Variants in GMPS observed in about 807,000 individuals in gnomAD.
GMPS encodes the protein guanosine monophosphate synthase.
A neutral mutation model predicts 77.9 loss-of-function variants in GMPS; 15 were observed. The observed-to-expected ratio is 0.19, with a 90% CI of 0.13 to 0.30. GMPS has a LOEUF of 0.30. GMPS is among the 10% of genes least tolerant of loss of function. GMPS has a pLI of 1.00. For synonymous variants in GMPS, 224 were observed against 275.9 expected (o/e 0.81, Z 1.86); for missense variants, 590 against 838.8 (o/e 0.70, Z 3.66).
Position 155,938,027 on chromosome 3 carries a change from T to C in GMPS, c.*335T>C, listed in dbSNP as rs568282406. The stretch of plus-strand genomic sequence containing the variant: ...GGTGAATTTGGGGGTAATTATGGGC[T>C]TCTGTCTCCTTACCAGTTTCTAAGA... On this transcript the variant is annotated 3_prime_UTR_variant, in exon 16 of 16. Transcript: ENST00000496455. 1.2e-4 allele frequency: 32 copies of C among 256,460 alleles called. No homozygotes were observed. The highest frequency in any genetic ancestry group is 2.3e-4 in the Non-Finnish European group (31 of 133,454). 15.9% of individuals were successfully genotyped at this position (256,460 alleles called of 1,614,324 possible). A position where few individuals can be genotyped will look rare whatever the true frequency, so the allele number is the denominator to read the frequency against.
At position 155,942,717 on chromosome 3, in the gene GMPS, T is replaced by A. The variant is rs1755921821; in HGVS notation, c.*5025T>A. 4.4e-6 allele frequency: 1 copy of A among 227,572 alleles called. No individual in the cohort carries two copies. The highest frequency in any genetic ancestry group is 1.8e-4 in the South Asian group (1 of 5,486). 14.1% of individuals were successfully genotyped at this position (227,572 alleles called of 1,614,324 possible). On this transcript the variant is annotated 3_prime_UTR_variant, in exon 16 of 16. Coordinates refer to ENST00000496455, the MANE Select transcript of GMPS (RefSeq NM_003875.3). ...TTCTTTCAACCTCTTTCTTCTTACT[T>A]CTTTACTTTTCCTTCAGAGAGGAGA... is the stretch of plus-strand genomic sequence containing the variant.
Position 155,934,943 on chromosome 3 carries a change from T to C in GMPS, c.1704T>C (p.Val568=). The change falls in exon 14 of 16, where the codon GTT becomes GTC. Residue 568 remains valine (V), a synonymous_variant. Coordinates refer to ENST00000496455, the MANE Select transcript of GMPS (RefSeq NM_003875.3). ...TTGTTTATATATTTGGCCCACCAGTTAAAGAACCTCCTACAGATGTTACTC... is the reference window on the plus strand; with the variant it reads ...TTGTTTATATATTTGGCCCACCAGTCAAAGAACCTCCTACAGATGTTACTC... ...NRVVYIFGPP[V]KEPPTDVTPT... 1 of 1,589,368 alleles carries C rather than the reference T, an allele frequency of 6.3e-7. No individual in the cohort carries two copies.
At chr3:155,903,081 T>A (rs1754768777) in intron 3 of GMPS, among the ~76,000 whole-genome samples, 1 of 152,194 alleles carries the variant, frequency 6.6e-6, no homozygotes, top group African/African-American at 2.4e-5. Context: ...AGGGGATGGG[T>A]CAACCTGCAT....
chr3:155,905,473 T>G (rs1200034932), intron 4 of GMPS, among the ~76,000 whole-genome samples: 1 of 152,184 alleles, frequency 6.6e-6, no homozygotes, highest in East Asian at 1.9e-4. Flanking sequence ...TTTCATTAAT[T>G]TGTTTGGCAC....
rs1431829661 is a variant in GMPS, at chr3:155,938,883, ACT to A, written c.*1195_*1196del. 4.7e-6 allele frequency: 1 copy of A among 214,654 alleles called. No homozygotes were observed. Among genetic ancestry groups the A allele is most frequent in the East Asian group, 7.0e-5 (1 of 14,330 alleles). 13.3% of individuals were successfully genotyped at this position (214,654 alleles called of 1,614,324 possible). ...GTACTGTAGACAGTAGTAGACTTAAACTCTCCGTTTCTCTCAGTATTTTAGCT... is the reference window on the plus strand; with the variant it reads ...GTACTGTAGACAGTAGTAGACTTAAACTCCGTTTCTCTCAGTATTTTAGCT... On this transcript the variant is annotated 3_prime_UTR_variant, in exon 16 of 16. Coordinates refer to ENST00000496455, the MANE Select transcript of GMPS (RefSeq NM_003875.3).
intron 1 of GMPS, among the ~76,000 whole-genome samples, chr3:155,882,938 G>A (rs977268326): frequency 2.0e-5 from 3 of 152,080 alleles, no homozygotes; most frequent in East Asian, 1.9e-4. Context: ...AATGTATGCT[G>A]TATAATAGAA....
intron 12 of GMPS, 92 bp from the exon 13 acceptor site, chr3:155,931,673 C>CT (rs201644213): frequency 0.025 from 11,668 of 467,012 alleles, 171 homozygotes; most frequent in Middle Eastern, 0.054. Flanking sequence ...TGCATCTTTT[C>CT]TTTTTTTTTT....
intron 1 of GMPS, among the ~76,000 whole-genome samples, chr3:155,887,781 A>G (rs1754370401): frequency 6.6e-6 from 1 of 151,892 alleles, no homozygotes; most frequent in Non-Finnish European, 1.5e-5. Context: ...AAAGGTATAC[A>G]GTTTAAGTCG....
intron 1 of GMPS, among the ~76,000 whole-genome samples, chr3:155,872,295 C>G (rs1178150093): frequency 6.6e-6 from 1 of 152,124 alleles, no homozygotes; most frequent in Non-Finnish European, 1.5e-5. Flanking sequence ...TCTTTTAAAC[C>G]AAGGCACCAG....
At chr3:155,910,052 G>T (rs982311111) in intron 5 of GMPS, among the ~76,000 whole-genome samples, 2 of 150,722 alleles carry the variant, frequency 1.3e-5, no homozygotes, top group African/African-American at 4.9e-5. Context: ...AGACCAGCCT[G>T]GCCAATATGG....
At chr3:155,896,727 A>G (rs1227620547) in intron 2 of GMPS, among the ~76,000 whole-genome samples, 4 of 110,928 alleles carry the variant, frequency 3.6e-5, no homozygotes, top group Admixed American at 1.1e-4. Flanking sequence ...AGCCTTACTG[A>G]GATTTTTTTT....
intron 1 of GMPS, among the ~76,000 whole-genome samples, chr3:155,892,744 G>A (rs1323284477): frequency 6.6e-6 from 1 of 152,178 alleles, no homozygotes; most frequent in Non-Finnish European, 1.5e-5. Context: ...CGATTCTCCT[G>A]CCTCAGCCTC....
intron 13 of GMPS, among the ~76,000 whole-genome samples, chr3:155,933,155 G>A (rs1042749869): frequency 1.3e-5 from 2 of 152,064 alleles, no homozygotes; most frequent in African/African-American, 2.4e-5. Context: ...TTGCACCACT[G>A]CACTCAAGCC....
rs1560057409 is a variant in GMPS at position 155,940,491 on chromosome 3, C to G, written c.*2799C>G. On this transcript the variant is annotated 3_prime_UTR_variant, in exon 16 of 16. Transcript: ENST00000496455. The stretch of plus-strand genomic sequence containing the variant: ...TGTTTGGGCTTAACCTCCTGATAGC[C>G]TGTTTTACTGAATAACTTGACCCTA... 1 of 214,180 alleles carries G rather than the reference C, an allele frequency of 4.7e-6. No individual in the cohort carries two copies. Among genetic ancestry groups the G allele is most frequent in the Non-Finnish European group, 9.4e-6 (1 of 106,158 alleles). The allele number at this position is 214,180 out of a possible 1,614,324, so 13.3% of individuals were successfully genotyped here. A position where few individuals can be genotyped will look rare whatever the true frequency, so the allele number is the denominator to read the frequency against.
chr3:155,889,057 A>C (rs1272791551), intron 1 of GMPS, among the ~76,000 whole-genome samples: 1 of 151,968 alleles, frequency 6.6e-6, no homozygotes, highest in African/African-American at 2.4e-5. Context: ...GTAACTTTGT[A>C]TGGGATTTAA....
At position 155,940,792 on chromosome 3, in the gene GMPS, G is replaced by C. The variant is rs1755870874; in HGVS notation, c.*3100G>C. The C allele has an allele frequency of 4.5e-6, 1 of 219,974 alleles. No homozygotes were observed. The highest frequency in any genetic ancestry group is 9.1e-6 in the Non-Finnish European group (1 of 110,452). 13.6% of individuals were successfully genotyped at this position (219,974 alleles called of 1,614,324 possible). On this transcript the variant is annotated 3_prime_UTR_variant, in exon 16 of 16. Transcript: ENST00000496455. ...TTTATCATCAGATATGACACAAAGG[G>C]AAACATCAAAATGCACCGTAAAGTT...
chr3:155,928,129 C>T (rs1403650655), intron 12 of GMPS, among the ~76,000 whole-genome samples: 15 of 136,526 alleles, frequency 1.1e-4, no homozygotes, highest in East Asian at 9.4e-4. Context: ...CAGGTTCAAA[C>T]GATTCTCCTG....
intron 13 of GMPS, among the ~76,000 whole-genome samples, chr3:155,932,914 A>G (rs538055754): frequency 3.0e-4 from 45 of 152,310 alleles, no homozygotes; most frequent in Non-Finnish European, 4.4e-4. Context: ...AATGGGGGCC[A>G]GGCATGGTGG....
chr3:155,878,997 C>G (rs1369175028), intron 1 of GMPS, among the ~76,000 whole-genome samples: 1 of 152,094 alleles, frequency 6.6e-6, no homozygotes, highest in Non-Finnish European at 1.5e-5. Flanking sequence ...AGAAGGTGTC[C>G]TAGCTCCAGA....
Sources: gnomAD v4.1 joint callset for allele counts (sites outside exome capture counted in the v4.1 genomes callset) on GRCh38, gnomAD v4.1.1 for gene constraint, MANE v1.5 for transcripts, NCBI Gene and HGNC (gene_info 2026-07-23, HGNC 2026-07-21) for gene names.